Variants in GRIN2B observed in about 807,000 individuals in gnomAD.
GRIN2B encodes glutamate receptor ionotropic, NMDA 2B.
Under a neutral mutation model 114.5 loss-of-function variants are expected in GRIN2B, and 5 were observed. The observed-to-expected ratio is 0.04, with a 90% confidence interval of 0.02 to 0.09. The LOEUF is 0.09. Ranked by LOEUF, GRIN2B falls within the 10% of genes least tolerant of loss-of-function variation. The pLI is 1.00. For missense variants in GRIN2B, 1,108 were observed against 1,943.5 expected, an observed-to-expected ratio of 0.57 and a Z score of 8.08; for synonymous variants, 787 against 745.1, an observed-to-expected ratio of 1.06 and a Z score of -0.92.
chr12:13,772,243 G>T (rs916320505), intron 3 of GRIN2B, among the ~76,000 whole-genome samples: 1 of 152,118 alleles, frequency 6.6e-6, no homozygotes, highest in Non-Finnish European at 1.5e-5. Context: ...TTACCATCAG[G>T]TTACCTTCCT....
chr12:13,786,980 C>T (rs1037698997), intron 3 of GRIN2B, among the ~76,000 whole-genome samples: 104 of 152,216 alleles, frequency 6.8e-4, no homozygotes, highest in African/African-American at 2.4e-3. Flanking sequence ...GTATGTAGCA[C>T]GATCCACCTC....
chr12:13,976,268 T>C (rs1863016198), intron 2 of GRIN2B, among the ~76,000 whole-genome samples: 1 of 152,244 alleles, frequency 6.6e-6, no homozygotes, highest in African/African-American at 2.4e-5. Context: ...ATGCGAACAA[T>C]TCATTAGACC....
intron 2 of GRIN2B, among the ~76,000 whole-genome samples, chr12:13,958,838 T>C (rs1867641456): frequency 6.6e-6 from 1 of 152,120 alleles, no homozygotes. Flanking sequence ...ACCCATAAAA[T>C]ATGCCCTTGA....
chr12:13,607,279 T>A (rs9668030), intron 10 of GRIN2B, among the ~76,000 whole-genome samples: 1 of 15,842 alleles, frequency 6.3e-5, no homozygotes, highest in Non-Finnish European at 1.4e-4. Flanking sequence ...ATAAAATATA[T>A]AATATATATT....
chr12:13,835,868 G>A (rs1157263333), intron 3 of GRIN2B, among the ~76,000 whole-genome samples: 1 of 150,654 alleles, frequency 6.6e-6, no homozygotes, highest in East Asian at 1.9e-4. Context: ...ATCTCCACAA[G>A]GCAGCCAGGC....
chr12:13,900,032 G>T (rs994159543), intron 2 of GRIN2B, among the ~76,000 whole-genome samples: 1 of 152,116 alleles, frequency 6.6e-6, no homozygotes, highest in Non-Finnish European at 1.5e-5. Flanking sequence ...ATCTTAGGAT[G>T]ATCTTTCTCT....
intron 3 of GRIN2B, among the ~76,000 whole-genome samples, chr12:13,778,081 G>A (rs866147054): frequency 3.3e-5 from 5 of 152,218 alleles, no homozygotes; most frequent in Admixed American, 6.5e-5. Context: ...GGGAAAGACC[G>A]TGTTGTTGAT....
intron 4 of GRIN2B, among the ~76,000 whole-genome samples, chr12:13,745,292 C>A (rs1863360005): frequency 6.6e-6 from 1 of 152,152 alleles, no homozygotes; most frequent in Non-Finnish European, 1.5e-5. Flanking sequence ...CAGCCTTTAT[C>A]CTCTGGTGGG....
rs187322800 is a variant in GRIN2B, at chr12:13,759,309, A to G, written c.412-5394T>C. ...CAGGCATGAGCCACCACGCCCAGCT[A>G]GTTTCAAATTTTTATGCTGATGGCA... On this transcript the variant is annotated intron_variant, in intron 3 of 13. Coordinates refer to ENST00000609686, the MANE Select transcript of GRIN2B (RefSeq NM_000834.5). 3.6e-4 allele frequency among the ~76,000 whole-genome samples: 55 copies of G among 152,120 alleles called. 1 individual carries two copies. The highest frequency in any genetic ancestry group is 2.2e-3 in the Admixed American group (33 of 15,266).
At chr12:13,767,317 G>A (rs1399922224) in intron 3 of GRIN2B, among the ~76,000 whole-genome samples, 4 of 149,596 alleles carry the variant, frequency 2.7e-5, no homozygotes, top group African/African-American at 9.9e-5. Flanking sequence ...CAGTTCAACT[G>A]ACTAGTCCCT....
intron 4 of GRIN2B, among the ~76,000 whole-genome samples, chr12:13,702,380 T>C (rs549794868): frequency 1.3e-5 from 2 of 152,326 alleles, no homozygotes; most frequent in South Asian, 2.1e-4. Flanking sequence ...AGTCAGAGCA[T>C]GTACATGGCA....
In GRIN2B at chr12:13,585,489, G is replaced by A. The variant is rs117321114; in HGVS notation, c.2011-13525C>T. Among the ~76,000 whole-genome samples, 399 of 152,272 alleles carry A rather than the reference G, an allele frequency of 2.6e-3. 3 individuals are homozygous for A. Among genetic ancestry groups the A allele is most frequent in the African/African-American group, 6.0e-3 (249 of 41,548 alleles). The stretch of plus-strand genomic sequence containing the variant: ...GTCAGCCCTATGCGAGGGACACTCC[G>A]GTTTATGGAATGTTAGTATTGGGAT... On this transcript the variant is annotated intron_variant, in intron 10 of 13. Transcript: ENST00000609686.
chr12:13,816,903 T>C (rs1864833552), intron 3 of GRIN2B, among the ~76,000 whole-genome samples: 1 of 152,122 alleles, frequency 6.6e-6, no homozygotes. Context: ...ACACTTGAAA[T>C]TGGAAAAATA....
At position 13,634,354 on chromosome 12, in the gene GRIN2B, A is replaced by G. The variant is rs576898326; in HGVS notation, c.1126-17697T>C. 3.3e-5 allele frequency: 5 copies of G among 152,344 alleles called. No individual in the cohort carries two copies. In the East Asian group the frequency reaches 5.8e-4, roughly 18 times the overall value. The allele number at this position is 152,344 out of a possible 1,614,324, so 9.4% of individuals were successfully genotyped here. A position where few individuals can be genotyped will look rare whatever the true frequency, so the allele number is the denominator to read the frequency against. On this transcript the variant is annotated intron_variant, in intron 5 of 13. Transcript: ENST00000609686. ...TAACAAATAGTCTGTGAAATGTATT[A>G]TAATTCCAACACAATAGAATTTCAT...
intron 5 of GRIN2B, among the ~76,000 whole-genome samples, chr12:13,617,930 A>AATGCAGGC (rs1345732438): frequency 6.6e-6 from 1 of 152,178 alleles, no homozygotes; most frequent in Non-Finnish European, 1.5e-5. Context: ...GCATCATTAT[A>AATGCAGGC]ATGCAGGCAG....
At chr12:13,930,095 A>G (rs1434481027) in intron 2 of GRIN2B, among the ~76,000 whole-genome samples, 1 of 152,140 alleles carries the variant, frequency 6.6e-6, no homozygotes, top group East Asian at 1.9e-4. Flanking sequence ...GAGGCAGGAG[A>G]ATCGCTTGAA....
At chr12:13,642,712 T>G (rs1182001867) in intron 5 of GRIN2B, among the ~76,000 whole-genome samples, 1 of 152,182 alleles carries the variant, frequency 6.6e-6, no homozygotes, top group African/African-American at 2.4e-5. Flanking sequence ...AATATTTGAA[T>G]GCTGGTTATG....
intron 10 of GRIN2B, among the ~76,000 whole-genome samples, chr12:13,607,205 T>C (rs1399945656): frequency 9.1e-5 from 10 of 109,292 alleles, no homozygotes; most frequent in Admixed American, 1.4e-4. Flanking sequence ...ATATATATAA[T>C]ATATAAAATA....
intron 3 of GRIN2B, among the ~76,000 whole-genome samples, chr12:13,856,868 A>C (rs966452415): frequency 6.6e-6 from 1 of 151,862 alleles, no homozygotes; most frequent in Non-Finnish European, 1.5e-5. Flanking sequence ...CAAATCATTC[A>C]CTCTACCTCC....
Sources: gnomAD v4.1 joint callset for allele counts (sites outside exome capture counted in the v4.1 genomes callset) on GRCh38, gnomAD v4.1.1 for gene constraint, MANE v1.5 for transcripts, NCBI Gene and HGNC (gene_info 2026-07-23, HGNC 2026-07-21) for gene names.